ANKS1B: variants seen among roughly 807,000 people sequenced by gnomAD.
The protein encoded by ANKS1B is ankyrin repeat and sterile alpha motif domain-containing protein 1B.
A neutral mutation model predicts 148.3 loss-of-function variants in ANKS1B; 36 were observed. That is an observed-to-expected ratio of 0.24 (90% confidence interval 0.19 to 0.32). ANKS1B has a LOEUF of 0.32. Among genes scored for constraint, ANKS1B ranks in the 10% least tolerant of loss-of-function variants. The pLI is 1.00. For synonymous variants in ANKS1B, 542 were observed against 560.8 expected (o/e 0.97, Z 0.47); for missense variants, 1,157 against 1,542.6 (o/e 0.75, Z 4.19).
At chr12:99,706,430 C>G (rs2055782010) in intron 8 of ANKS1B, 1 of 151,814 alleles carries the variant, frequency 6.6e-6, no homozygotes, top group South Asian at 2.1e-4. Flanking sequence ...TATAATTTAC[C>G]TAAATTGAAT....
intron 17 of ANKS1B, among the ~76,000 whole-genome samples, chr12:98,896,031 A>G (rs1048581812): frequency 3.3e-5 from 5 of 152,238 alleles, no homozygotes; most frequent in Non-Finnish European, 7.3e-5. Flanking sequence ...TTGCTCACTT[A>G]GTCTGGGGTA....
intron 9 of ANKS1B, among the ~76,000 whole-genome samples, chr12:99,616,016 A>T (rs1353588447): frequency 3.9e-5 from 6 of 152,192 alleles, no homozygotes; most frequent in Non-Finnish European, 5.9e-5. Context: ...AGAGAGCCAA[A>T]TCATGAGTGA....
chr12:99,310,381 T>G (rs988225076), intron 12 of ANKS1B, among the ~76,000 whole-genome samples: 1 of 152,160 alleles, frequency 6.6e-6, no homozygotes, highest in Non-Finnish European at 1.5e-5. Flanking sequence ...TATTTCTGAA[T>G]GAGATTAATG....
chr12:99,705,907 T>C (rs550023408), intron 8 of ANKS1B, among the ~76,000 whole-genome samples: 13 of 152,114 alleles, frequency 8.5e-5, no homozygotes, highest in African/African-American at 3.1e-4. Flanking sequence ...TGACTATATA[T>C]ACATAGAAAA....
At chr12:99,514,246 A>G (rs889614756) in intron 9 of ANKS1B, among the ~76,000 whole-genome samples, 4 of 152,078 alleles carry the variant, frequency 2.6e-5, no homozygotes, top group African/African-American at 9.7e-5. Context: ...ATAAATTACC[A>G]TATCAGTTAG....
At chr12:99,155,288 C>T (rs576581741) in intron 14 of ANKS1B, among the ~76,000 whole-genome samples, 175 of 152,160 alleles carry the variant, frequency 1.2e-3, no homozygotes, top group Admixed American at 5.0e-3. Context: ...AATAATTATT[C>T]TGTTTCTTTA....
chr12:99,283,979 T>TG (rs1480140390), intron 12 of ANKS1B, among the ~76,000 whole-genome samples: 1 of 152,224 alleles, frequency 6.6e-6, no homozygotes, highest in Non-Finnish European at 1.5e-5. Context: ...GGCTTTTTTT[T>TG]GCTTTTCCTT....
intron 8 of ANKS1B, among the ~76,000 whole-genome samples, chr12:99,763,705 AAAG>A (rs2062384083): frequency 6.6e-6 from 1 of 152,182 alleles, no homozygotes; most frequent in African/African-American, 2.4e-5. Context: ...AATAATACAG[AAAG>A]AATAACAAGG....
At chr12:99,847,166 G>C (rs2086813567) in intron 1 of ANKS1B, among the ~76,000 whole-genome samples, 1 of 150,964 alleles carries the variant, frequency 6.6e-6, no homozygotes, top group South Asian at 2.1e-4. Context: ...ACAGTGCAAT[G>C]GCAATCATGG....
At chr12:99,071,065 C>T (rs187039705) in intron 16 of ANKS1B, among the ~76,000 whole-genome samples, 9 of 152,308 alleles carry the variant, frequency 5.9e-5, no homozygotes, top group Non-Finnish European at 1.2e-4. Flanking sequence ...AGAGACCTTC[C>T]CTTTTACTTA....
At chr12:99,817,526 A>G (rs1283524203) in intron 2 of ANKS1B, among the ~76,000 whole-genome samples, 1 of 150,858 alleles carries the variant, frequency 6.6e-6, no homozygotes, top group African/African-American at 2.4e-5. Flanking sequence ...TTGGATATGT[A>G]CCCAGCAGGG....
intron 11 of ANKS1B, among the ~76,000 whole-genome samples, chr12:99,424,001 A>T (rs2095176755): frequency 6.6e-6 from 1 of 152,166 alleles, no homozygotes; most frequent in African/African-American, 2.4e-5. Context: ...TAAATTTTTT[A>T]AAAAGATTAT....
chr12:99,216,939 C>T (rs1015977488), intron 14 of ANKS1B, among the ~76,000 whole-genome samples: 8 of 152,142 alleles, frequency 5.3e-5, no homozygotes, highest in African/African-American at 1.9e-4. Context: ...AAGATGCAGT[C>T]CTCATCCCCT....
chr12:99,980,106 A>G (rs913341301), intron 1 of ANKS1B, among the ~76,000 whole-genome samples: 1 of 151,918 alleles, frequency 6.6e-6, no homozygotes, highest in Non-Finnish European at 1.5e-5. Flanking sequence ...TTTAAGCTCA[A>G]TCAACACTTT....
At chr12:99,271,050 G>A (rs2076983064) in intron 12 of ANKS1B, among the ~76,000 whole-genome samples, 1 of 152,302 alleles carries the variant, frequency 6.6e-6, no homozygotes, top group African/African-American at 2.4e-5. Context: ...AAAGCCCAAT[G>A]CCTTCTCTTC....
At chr12:99,486,378 G>C (rs2096488659) in intron 10 of ANKS1B, among the ~76,000 whole-genome samples, 1 of 152,030 alleles carries the variant, frequency 6.6e-6, no homozygotes, top group Non-Finnish European at 1.5e-5. Context: ...CTCAGTGTGT[G>C]AGCAAGTTCA....
chr12:99,054,997 A>T (rs2099968650), intron 16 of ANKS1B, among the ~76,000 whole-genome samples: 2 of 152,232 alleles, frequency 1.3e-5, no homozygotes, highest in Admixed American at 1.3e-4. Context: ...CTCTGTGTTT[A>T]TTATGTGGTA....
intron 13 of ANKS1B, among the ~76,000 whole-genome samples, chr12:99,244,768 CCTT>C (rs1041899395): frequency 1.3e-5 from 2 of 152,090 alleles, no homozygotes; most frequent in Non-Finnish European, 2.9e-5. Flanking sequence ...TCTCTGGCAC[CCTT>C]CTTCTTCTGC....
intron 9 of ANKS1B, among the ~76,000 whole-genome samples, chr12:99,563,764 A>G (rs11109920): frequency 0.3 from 45,825 of 152,046 alleles, 7,482 homozygotes; most frequent in African/African-American, 0.42. Context: ...GTCATTACCT[A>G]TGAAGTGCAA....
Sources: allele counts gnomAD v4.1 joint callset (sites outside exome capture counted in the v4.1 genomes callset), GRCh38; gene constraint gnomAD v4.1.1; transcripts MANE v1.5; gene names NCBI Gene and HGNC (gene_info 2026-07-23, HGNC 2026-07-21).